Variants in PHTF1 observed in about 807,000 individuals in gnomAD.
The protein encoded by PHTF1 is protein PHTF1.
PHTF1 carries 88 observed loss-of-function variants against 102.4 expected under a neutral mutation model. The observed-to-expected ratio is 0.86, with a 90% CI of 0.72 to 1.03. The LOEUF (loss-of-function observed/expected upper bound fraction) is 1.03. PHTF1 is among the 50% of genes least tolerant of loss of function. PHTF1 has a pLI of 0.00. For missense variants in PHTF1, 814 were observed against 909.5 expected (o/e 0.89, Z 1.35); for synonymous variants, 289 against 305.2 (o/e 0.95, Z 0.55).
At chr1:113,721,067 T>C (rs891217863) in intron 7 of PHTF1, among the ~76,000 whole-genome samples, 4 of 152,192 alleles carry the variant, frequency 2.6e-5, no homozygotes, top group African/African-American at 7.2e-5. Flanking sequence ...ATCATGCCAC[T>C]GCACTCAAGC....
intron 5 of PHTF1, among the ~76,000 whole-genome samples, chr1:113,735,975 G>C (rs1341568784): frequency 6.6e-6 from 1 of 152,132 alleles, no homozygotes; most frequent in Admixed American, 6.6e-5. Flanking sequence ...GAAAACATCA[G>C]GTAGCGATGT....
intron 3 of PHTF1, among the ~76,000 whole-genome samples, chr1:113,743,784 C>G (rs114374475): frequency 0.014 from 2,145 of 152,238 alleles, 59 homozygotes; most frequent in African/African-American, 0.048. Context: ...ACAGAAACAT[C>G]ATTATGTGGC....
intron 15 of PHTF1, among the ~76,000 whole-genome samples, chr1:113,701,150 A>AG (rs1649396690): frequency 6.6e-6 from 1 of 152,258 alleles, no homozygotes; most frequent in Non-Finnish European, 1.5e-5. Context: ...TTTCTCCTTT[A>AG]GCAAGGGTCT....
intron 16 of PHTF1, 101 bp downstream of exon 16, chr1:113,700,693 G>T: frequency 9.4e-7 from 1 of 1,066,084 alleles, no homozygotes; most frequent in South Asian, 1.6e-5. Flanking sequence ...GCTAGAAAGT[G>T]ACAGCTAGAC....
At chr1:113,737,669 T>C (rs1396012021) in intron 5 of PHTF1, among the ~76,000 whole-genome samples, 2 of 152,118 alleles carry the variant, frequency 1.3e-5, no homozygotes, top group African/African-American at 2.4e-5. Flanking sequence ...CACAGTGGCA[T>C]ACACCTGTAG....
chr1:113,755,065 TTA>T (rs1189653172), intron 3 of PHTF1, among the ~76,000 whole-genome samples: 1 of 152,062 alleles, frequency 6.6e-6, no homozygotes, highest in African/African-American at 2.4e-5. Context: ...TTTTTAAAAT[TTA>T]TCTTTCATAA....
chr1:113,698,788 CATCT>C (rs1438921933), intron 17 of PHTF1: 1 of 198,352 alleles, frequency 5.0e-6, no homozygotes, highest in Non-Finnish European at 1.0e-5. Flanking sequence ...CACAGCCTAG[CATCT>C]ATCTCTTACT....
intron 5 of PHTF1, among the ~76,000 whole-genome samples, chr1:113,735,085 G>A (rs374335738): frequency 6.6e-6 from 1 of 151,980 alleles, no homozygotes; most frequent in African/African-American, 2.4e-5. Context: ...AGCTATATAG[G>A]CCAGGTGTGG....
intron 3 of PHTF1, among the ~76,000 whole-genome samples, chr1:113,750,819 G>C (rs938155683): frequency 1.2e-4 from 18 of 151,144 alleles, no homozygotes; most frequent in African/African-American, 3.9e-4. Context: ...ACTCCAGCCT[G>C]GGCAACAGAG....
intron 5 of PHTF1, among the ~76,000 whole-genome samples, chr1:113,727,652 ATTGAC>A: frequency 1.3e-5 from 2 of 152,172 alleles, no homozygotes; most frequent in Admixed American, 6.5e-5. Flanking sequence ...AATCATCTCA[ATTGAC>A]AGTTATGTAA....
At chr1:113,755,213 ATTGTAT>A (rs1271957715) in intron 3 of PHTF1, among the ~76,000 whole-genome samples, 1 of 151,382 alleles carries the variant, frequency 6.6e-6, no homozygotes, top group Non-Finnish European at 1.5e-5. Context: ...TTTTCAAAAA[ATTGTAT>A]TTGTGTTCAT....
intron 5 of PHTF1, among the ~76,000 whole-genome samples, chr1:113,731,053 G>A (rs1308602910): frequency 6.6e-6 from 1 of 152,066 alleles, no homozygotes; most frequent in African/African-American, 2.4e-5. Flanking sequence ...TTTCAGTTTG[G>A]GAAGATGAAA....
intron 10 of PHTF1, among the ~76,000 whole-genome samples, chr1:113,710,722 G>A (rs935648084): frequency 1.1e-4 from 16 of 150,328 alleles, no homozygotes; most frequent in African/African-American, 2.9e-4. Context: ...CCTCAAACTC[G>A]GGCTCAAATG....
intron 7 of PHTF1, among the ~76,000 whole-genome samples, chr1:113,721,003 G>A (rs561037075): frequency 2.0e-5 from 3 of 152,324 alleles, no homozygotes; most frequent in African/African-American, 7.2e-5. Flanking sequence ...CTACATGGGG[G>A]ACTCACACAC....
At chr1:113,700,712 AAC>A (rs752271939) in intron 16 of PHTF1, 80 bp downstream of exon 16, 65 of 1,321,934 alleles carry the variant, frequency 4.9e-5, no homozygotes, top group Non-Finnish European at 6.6e-5. Context: ...ACAGTGATTA[AAC>A]CCTGAATCCT....
intron 15 of PHTF1, among the ~76,000 whole-genome samples, chr1:113,702,288 G>A (rs142339043): frequency 1.5e-3 from 230 of 152,172 alleles, no homozygotes; most frequent in Non-Finnish European, 2.7e-3. Flanking sequence ...AATAGGATTA[G>A]GTGGAATATT....
At position 113,758,687 on chromosome 1, in the gene PHTF1, C is replaced by G. The variant is rs753005906; in HGVS notation, c.17G>C (p.Arg6Thr). Residue 6 changes from arginine to threonine, a missense_variant, in exon 2 of 19, where the codon AGA becomes ACA. Transcript: ENST00000369604. MASNE[R>T]DAISWYQKKI... ...CTTTTGGTACCACGATATAGCATCT[C>G]TCTCATTTGAGGCCATCTGTGTCTC... is the stretch of plus-strand genomic sequence containing the variant. 1 of 1,609,994 alleles carries G rather than the reference C, an allele frequency of 6.2e-7. No individual in the cohort carries two copies. The highest frequency in any genetic ancestry group is 8.5e-7 in the Non-Finnish European group (1 of 1,177,274).
intron 10 of PHTF1, among the ~76,000 whole-genome samples, 161 bp from the exon 11 acceptor site, chr1:113,710,636 T>C (rs1406244439): frequency 6.6e-6 from 1 of 151,884 alleles, no homozygotes; most frequent in South Asian, 2.1e-4. Flanking sequence ...ACAATAATGC[T>C]TTTTTATTTT....
chr1:113,740,715 T>G (rs1656215275), intron 3 of PHTF1, among the ~76,000 whole-genome samples: 1 of 152,188 alleles, frequency 6.6e-6, no homozygotes, highest in South Asian at 2.1e-4. Context: ...TTAATCCATT[T>G]TGACTTGATT....
Sources: gnomAD v4.1 joint callset for allele counts (sites outside exome capture counted in the v4.1 genomes callset) on GRCh38, gnomAD v4.1.1 for gene constraint, MANE v1.5 for transcripts, NCBI Gene and HGNC (gene_info 2026-07-23, HGNC 2026-07-21) for gene names.